Variants in RSRC1 observed in about 807,000 individuals in gnomAD.
The protein encoded by RSRC1 is arginine and serine rich coiled-coil 1, also known as serine/Arginine-related protein 53.
A neutral mutation model predicts 49.1 loss-of-function variants in RSRC1; 39 were observed. The observed-to-expected ratio is 0.79, with a 90% CI of 0.61 to 1.04. The LOEUF is 1.04. RSRC1 is among the 50% of genes least tolerant of loss of function. The pLI is 0.00. For missense variants in RSRC1, 388 were observed against 402.4 expected, an observed-to-expected ratio of 0.96 and a Z score of 0.31; for synonymous variants, 143 against 130.8, an observed-to-expected ratio of 1.09 and a Z score of -0.63.
intron 4 of RSRC1, among the ~76,000 whole-genome samples, chr3:158,260,666 G>A (rs1165332212): frequency 6.6e-6 from 1 of 152,148 alleles, no homozygotes; most frequent in Non-Finnish European, 1.5e-5. Context: ...GGCCTAGACT[G>A]CTTTTCAAGT....
chr3:158,358,743 T>C (rs1731300876), intron 6 of RSRC1, among the ~76,000 whole-genome samples: 1 of 152,152 alleles, frequency 6.6e-6, no homozygotes, highest in Non-Finnish European at 1.5e-5. Flanking sequence ...GCTTACCTAC[T>C]AGCAGTTTCT....
chr3:158,216,635 A>T (rs1338168036), intron 4 of RSRC1, among the ~76,000 whole-genome samples: 2 of 147,014 alleles, frequency 1.4e-5, no homozygotes, highest in Non-Finnish European at 2.9e-5. Context: ...AAAATTGTTT[A>T]AAAAAATTTC....
intron 3 of RSRC1, among the ~76,000 whole-genome samples, chr3:158,160,882 T>TA (rs1173744199): frequency 6.6e-6 from 1 of 152,060 alleles, no homozygotes; most frequent in Non-Finnish European, 1.5e-5. Flanking sequence ...TAAGTCTGTA[T>TA]ATTACCTTCA....
At chr3:158,195,263 T>C (rs1369634610) in intron 3 of RSRC1, among the ~76,000 whole-genome samples, 1 of 152,130 alleles carries the variant, frequency 6.6e-6, no homozygotes, top group Admixed American at 6.6e-5. Flanking sequence ...GATGAGCATT[T>C]TTTCATGTGT....
chr3:158,284,989 A>G (rs1035186104), intron 4 of RSRC1, among the ~76,000 whole-genome samples: 1 of 152,124 alleles, frequency 6.6e-6, no homozygotes, highest in Non-Finnish European at 1.5e-5. Context: ...CCTGAATGGT[A>G]TTGCCTAGGT....
At chr3:158,506,734 A>G (rs995751645) in intron 7 of RSRC1, among the ~76,000 whole-genome samples, 5 of 151,754 alleles carry the variant, frequency 3.3e-5, no homozygotes, top group African/African-American at 9.7e-5. Flanking sequence ...GGGAATGTAA[A>G]GTATATAGCC....
chr3:158,393,109 T>C (rs1198125901), intron 6 of RSRC1, among the ~76,000 whole-genome samples: 2 of 152,042 alleles, frequency 1.3e-5, no homozygotes, highest in African/African-American at 4.8e-5. Flanking sequence ...AAAAAATTCT[T>C]TGAAACTAAT....
chr3:158,370,572 C>T (rs946633908), intron 6 of RSRC1, among the ~76,000 whole-genome samples: 7 of 151,550 alleles, frequency 4.6e-5, no homozygotes, highest in East Asian at 1.9e-4. Flanking sequence ...TTGTTCGTGT[C>T]GTTGTGAGCA....
At chr3:158,368,648 A>G (rs1374693236) in intron 6 of RSRC1, among the ~76,000 whole-genome samples, 1 of 152,204 alleles carries the variant, frequency 6.6e-6, no homozygotes, top group African/African-American at 2.4e-5. Flanking sequence ...TGACTTCATT[A>G]TTGAAAGACT....
At chr3:158,350,917 TA>T (rs1326964528) in intron 5 of RSRC1, among the ~76,000 whole-genome samples, 1 of 152,228 alleles carries the variant, frequency 6.6e-6, no homozygotes, top group Non-Finnish European at 1.5e-5. Context: ...ATTTTCATTC[TA>T]AGCCAGCTAG....
chr3:158,544,252 C>T lies in RSRC1; in HGVS notation c.982C>T (p.Leu328=), dbSNP rs773752324. 3.1e-6 allele frequency: 5 copies of T among 1,611,230 alleles called. No individual in the cohort carries two copies. The highest frequency in any genetic ancestry group is 1.7e-5 in the Admixed American group (1 of 59,988). The change falls in exon 10 of 10, where the codon CTA becomes TTA. Residue 328 remains leucine (L), a synonymous_variant. Coordinates refer to ENST00000611884, the MANE Select transcript of RSRC1 (RefSeq NM_001271838.2). ...ATTAATTGCTCTCCGACAAGAAAGA[C>T]TAATGGGCAGTCCTGTGGCCTAAGT... The part of the protein sequence containing the change: ...KRLIALRQER[L]MGSPVA
At chr3:158,189,311 A>G (rs1467036316) in intron 3 of RSRC1, among the ~76,000 whole-genome samples, 2 of 152,082 alleles carry the variant, frequency 1.3e-5, no homozygotes, top group African/African-American at 2.4e-5. Flanking sequence ...GGTATAGTTA[A>G]TAGGTAAATT....
intron 3 of RSRC1, among the ~76,000 whole-genome samples, chr3:158,199,813 G>A (rs1242496438): frequency 2.6e-5 from 4 of 152,008 alleles, no homozygotes; most frequent in African/African-American, 9.6e-5. Context: ...CATATATCTG[G>A]AGGTTTTCTG....
At chr3:158,254,041 T>A (rs1160764108) in intron 4 of RSRC1, among the ~76,000 whole-genome samples, 1 of 152,188 alleles carries the variant, frequency 6.6e-6, no homozygotes, top group Non-Finnish European at 1.5e-5. Flanking sequence ...TTGTGTTAGT[T>A]TGCTGAAAAT....
intron 7 of RSRC1, among the ~76,000 whole-genome samples, chr3:158,470,321 A>AACACACACACAC (rs375305594): frequency 7.3e-6 from 1 of 136,848 alleles, no homozygotes; most frequent in Non-Finnish European, 1.6e-5. Context: ...TGCTCTTAGA[A>AACACACACACAC]ACACACACAC....
chr3:158,415,174 T>C (rs576167140), intron 6 of RSRC1, among the ~76,000 whole-genome samples: 21 of 152,232 alleles, frequency 1.4e-4, no homozygotes, highest in South Asian at 4.1e-4. Context: ...GCAGGAAATA[T>C]GACTTTCTCC....
chr3:158,136,194 A>G (rs1716360152), intron 3 of RSRC1, among the ~76,000 whole-genome samples: 1 of 152,222 alleles, frequency 6.6e-6, no homozygotes, highest in African/African-American at 2.4e-5. Context: ...CTTCATGTAT[A>G]AAGTATTATG....
At position 158,543,433 on chromosome 3, in the gene RSRC1, C is replaced by T; in HGVS notation, c.858C>T (p.Thr286=). 6.2e-7 allele frequency: 1 copy of T among 1,611,756 alleles called. No homozygotes were observed. Among genetic ancestry groups the T allele is most frequent in the Non-Finnish European group, 8.5e-7 (1 of 1,178,912 alleles). ...GTACTGAAAAAGAAATAGATCCTAC[C>T]AGCATCCCTACTGCTATCAAGTACC... ...PPSTEKEIDP[T]SIPTAIKYQD... Residue 286 remains threonine, a synonymous_variant, in exon 9 of 10, where the codon ACC becomes ACT. Coordinates refer to ENST00000611884, the MANE Select transcript of RSRC1 (RefSeq NM_001271838.2).
At chr3:158,155,240 AGTCACTATCTAT>A (rs1717790287) in intron 3 of RSRC1, among the ~76,000 whole-genome samples, 1 of 152,202 alleles carries the variant, frequency 6.6e-6, no homozygotes, top group Non-Finnish European at 1.5e-5. Flanking sequence ...TCATCAGAGA[AGTCACTATCTAT>A]GGCAGCTATA....
Sources: allele counts gnomAD v4.1 joint callset (sites outside exome capture counted in the v4.1 genomes callset), GRCh38; gene constraint gnomAD v4.1.1; transcripts MANE v1.5; gene names NCBI Gene and HGNC (gene_info 2026-07-23, HGNC 2026-07-21).